NGFR: variants seen among roughly 807,000 people sequenced by gnomAD.
NGFR encodes the protein nerve growth factor receptor, also known as tumor necrosis factor receptor superfamily member 16.
NGFR carries 30 observed loss-of-function variants against 43.2 expected under a neutral mutation model. The ratio of observed to expected loss-of-function variants is 0.69; its 90% CI spans 0.52 to 0.94. The LOEUF (loss-of-function observed/expected upper bound fraction) is 0.94, where lower values mean the gene tolerates loss of function less well. Ranked by LOEUF, NGFR falls within the 40% of genes least tolerant of loss-of-function variation. The pLI, the probability that NGFR is intolerant of heterozygous loss-of-function variation, is 0.00. For missense variants in NGFR, 529 were observed against 602.5 expected (o/e 0.88, Z 1.28); for synonymous variants, 246 against 259.6 (o/e 0.95, Z 0.50).
rs1041870887 is a variant in NGFR, at chr17:49,495,343, C to T, written c.-75C>T. On this transcript the variant is annotated 5_prime_UTR_variant, in exon 1 of 6. Transcript: ENST00000172229. The surrounding 1 kb of genome is among the most constrained non-coding windows in gnomAD (Gnocchi z 6.4). ...CCGGCGGGCAGGGGGGGCGCTGGAG[C>T]GCAGCGCAGCGCAGCCCCATCAGTC... is the stretch of plus-strand genomic sequence containing the variant. The T allele has an allele frequency of 1.5e-5, 16 of 1,080,480 alleles. No individual in the cohort carries two copies. In the African/African-American group the frequency reaches 2.4e-4, roughly 16 times the overall value. The allele number at this position is 1,080,480 out of a possible 1,614,324, so 66.9% of individuals were successfully genotyped here.
Position 49,510,546 on chromosome 17 carries a change from G to A in NGFR, c.703G>A (p.Val235Met), listed in dbSNP as rs1160040461. 1.2e-6 allele frequency: 2 copies of A among 1,614,154 alleles called. No individual in the cohort carries two copies. Among genetic ancestry groups the A allele is most frequent in the Non-Finnish European group, 1.7e-6 (2 of 1,180,032 alleles). Residue 235 changes from valine (V) to methionine (M), a missense_variant, in exon 4 of 6, where the codon GTG becomes ATG. Physicochemically the swap from Val to Met is conservative, Grantham distance 21. Transcript: ENST00000172229. ...ASTVAGVVTTVMGSSQPVVTR... is the reference protein window; with the variant it reads ...ASTVAGVVTTMMGSSQPVVTR... ...CACGGTGGCAGGTGTGGTGACCACA[G>A]TGATGGGCAGCTCCCAGCCCGTGGT... is the stretch of plus-strand genomic sequence containing the variant.
At chr17:49,501,807 G>C (rs2071168212) in intron 1 of NGFR, among the ~76,000 whole-genome samples, 1 of 152,204 alleles carries the variant, frequency 6.6e-6, no homozygotes. Flanking sequence ...TGTAACCCCA[G>C]GATGAACTTT....
At chr17:49,503,525 C>T (rs2143430861) in intron 2 of NGFR, among the ~76,000 whole-genome samples, 1 of 152,292 alleles carries the variant, frequency 6.6e-6, no homozygotes. Flanking sequence ...CCTCTGAACC[C>T]ACCTGCGGAC....
chr17:49,505,962 C>A (rs969490479), intron 2 of NGFR: 10 of 302,440 alleles, frequency 3.3e-5, no homozygotes, highest in Non-Finnish European at 5.4e-5. Flanking sequence ...ATTCCTTAAT[C>A]ATGCTGGGAA....
At chr17:49,501,543 A>T (rs2143426571) in intron 1 of NGFR, among the ~76,000 whole-genome samples, 1 of 152,262 alleles carries the variant, frequency 6.6e-6, no homozygotes, top group African/African-American at 2.4e-5. Flanking sequence ...TAATATGTGG[A>T]ATTAAGGACC....
At position 49,502,203 on chromosome 17, in the gene NGFR, C is replaced by A; in HGVS notation, c.207C>A (p.Asp69Glu). The change falls in exon 2 of 6, where the codon GAC (aspartate) becomes GAA (glutamate). Residue 69 changes from aspartate to glutamate, a missense_variant and splice_region_variant. Asp to Glu is a conservative substitution (Grantham distance 45). Coordinates refer to ENST00000172229, the MANE Select transcript of NGFR (RefSeq NM_002507.4). ...AGACCGTGTGTGAGCCCTGCCTGGA[C>A]AGTGAGTAGAGGGTGGCGGGCAGGA... ...ANQTVCEPCLDSVTFSDVVSA... is the reference protein window; with the variant it reads ...ANQTVCEPCLESVTFSDVVSA... 1 of 1,597,858 alleles carries A rather than the reference C, an allele frequency of 6.3e-7. No individual in the cohort carries two copies. Among genetic ancestry groups the A allele is most frequent in the Non-Finnish European group, 8.5e-7 (1 of 1,170,018 alleles).
At chr17:49,509,061 C>G (rs1392024253) in intron 3 of NGFR, among the ~76,000 whole-genome samples, 1 of 152,190 alleles carries the variant, frequency 6.6e-6, no homozygotes, top group African/African-American at 2.4e-5. Context: ...AGACAGGGCT[C>G]TGTCTCCTTC....
intron 1 of NGFR, among the ~76,000 whole-genome samples, chr17:49,499,961 T>A (rs1312049439): frequency 2.7e-5 from 4 of 147,420 alleles, no homozygotes; most frequent in Middle Eastern, 7.2e-3. Flanking sequence ...ATTAGCGTGG[T>A]GGGGGAAGGG....
rs903812175 is a variant in NGFR, at chr17:49,514,023, A to C, written c.*1014A>C. ...AGAATCAGCCTAGGGGTCAGGGACC[A>C]AGGACCCCTCACCTTGCAACACACA... On this transcript the variant is annotated 3_prime_UTR_variant, in exon 6 of 6. Transcript: ENST00000172229. 6.6e-6 allele frequency: 1 copy of C among 152,222 alleles called. No homozygotes were observed. Among genetic ancestry groups the C allele is most frequent in the African/African-American group, 2.4e-5 (1 of 41,440 alleles). 9.4% of individuals were successfully genotyped at this position (152,222 alleles called of 1,614,324 possible).
At chr17:49,508,927 G>T (rs2071215494) in intron 3 of NGFR, among the ~76,000 whole-genome samples, 1 of 152,146 alleles carries the variant, frequency 6.6e-6, no homozygotes, top group Admixed American at 6.5e-5. Context: ...CTCTGGCTTG[G>T]GGTCAGTCTG....
Position 49,512,356 on chromosome 17 carries a change from A to G in NGFR, c.982+304A>G, listed in dbSNP as rs2071238953. 6.6e-6 allele frequency among the ~76,000 whole-genome samples: 1 copy of G among 152,182 alleles called. No homozygotes were observed. The highest frequency in any genetic ancestry group is 1.5e-5 in the Non-Finnish European group (1 of 68,028). ...AGCCTCTTGCCCTGGACTTCTGGGG[A>G]ACAAGTAGTTAAGTGTGTACCCTAA... is the stretch of plus-strand genomic sequence containing the variant. On this transcript the variant is annotated intron_variant, in intron 5 of 5. Transcript: ENST00000172229. The surrounding 1 kb of genome is among the most constrained non-coding windows in gnomAD (Gnocchi z 5.2).
Position 49,512,681 on chromosome 17 carries a change from C to G in NGFR, c.983-27C>G, listed in dbSNP as rs749613649. On this transcript the variant is annotated intron_variant, in intron 5 of 5. Coordinates refer to ENST00000172229, the MANE Select transcript of NGFR (RefSeq NM_002507.4). The surrounding 1 kb of genome is among the most constrained non-coding windows in gnomAD (Gnocchi z 5.2). ...TGGGGAAAGGAGTTCAGGGGTAGGACCTGACTCTCCTCTGGTTTCTCTGCA... is the reference window on the plus strand; with the variant it reads ...TGGGGAAAGGAGTTCAGGGGTAGGAGCTGACTCTCCTCTGGTTTCTCTGCA... 107 of 1,551,308 alleles carry G rather than the reference C, an allele frequency of 6.9e-5. No individual in the cohort carries two copies. Among genetic ancestry groups the G allele is most frequent in the Admixed American group, 1.9e-4 (10 of 53,684 alleles).
chr17:49,510,270 C>T (rs534958876), intron 3 of NGFR, 142 bp from the exon 4 acceptor site: 71 of 1,250,342 alleles, frequency 5.7e-5, no homozygotes, highest in Admixed American at 3.3e-4. Flanking sequence ...ACATCATGCA[C>T]GCAATCCCAG....
intron 2 of NGFR, among the ~76,000 whole-genome samples, chr17:49,503,925 C>T (rs1054353530): frequency 6.6e-6 from 1 of 152,172 alleles, no homozygotes; most frequent in African/African-American, 2.4e-5. Flanking sequence ...GGGCGGAGGA[C>T]ACCAGGAGAG....
intron 1 of NGFR, 63 bp from the exon 2 acceptor site, chr17:49,502,000 A>AGGGCCCCCCCCCCCCC: frequency 8.7e-5 from 23 of 264,880 alleles, no homozygotes; most frequent in Non-Finnish European, 1.4e-4. Flanking sequence ...CCCCGGAAGA[A>AGGGCCCCCCCCCCCCC]CCCCCCCCAA....
chr17:49,510,472 C>T lies in NGFR; in HGVS notation c.629C>T (p.Pro210Leu), dbSNP rs1173902758. The change falls in exon 4 of 6, where the codon CCC becomes CTC. Residue 210 changes from proline to leucine, a missense_variant. Transcript: ENST00000172229. The part of the protein sequence containing the change: ...TPPEGSDSTA[P>L]STQEPEAPPE... ...CCAGAGGGCTCGGACAGCACAGCCCCCAGCACCCAGGAGCCTGAGGCACCT... is the reference window on the plus strand; with the variant it reads ...CCAGAGGGCTCGGACAGCACAGCCCTCAGCACCCAGGAGCCTGAGGCACCT... 36 of 1,614,092 alleles carry T rather than the reference C, an allele frequency of 2.2e-5. No individual in the cohort carries two copies. The highest frequency in any genetic ancestry group is 2.9e-5 in the Non-Finnish European group (34 of 1,180,006).
rs748005179 is a variant in NGFR, at chr17:49,513,004, G to A, written c.1279G>A (p.Val427Met). The change falls in exon 6 of 6, where the codon GTG becomes ATG. Residue 427 changes from valine to methionine, a missense_variant. By Grantham distance (21) the Val-to-Met change is conservative. Coordinates refer to ENST00000172229, the MANE Select transcript of NGFR (RefSeq NM_002507.4). ...CAGTGAGTCCACTGCCACATCCCCG[G>A]TGTGAGCCCAACCGGGGAGCCCCCG... ...LCSESTATSPV is the reference protein window; with the variant it reads ...LCSESTATSPM The A allele has an allele frequency of 4.5e-6, 7 of 1,557,218 alleles. No homozygotes were observed. In the Admixed American group the frequency reaches 9.0e-5, roughly 20 times the overall value.
chr17:49,503,216 G>T (rs150421634), intron 2 of NGFR, among the ~76,000 whole-genome samples: 1 of 151,682 alleles, frequency 6.6e-6, no homozygotes, highest in African/African-American at 2.4e-5. Flanking sequence ...CACCGTGCTC[G>T]ACCCTGCCTG....
Position 49,512,114 on chromosome 17 carries a change from A to C in NGFR, c.982+62A>C. On this transcript the variant is annotated intron_variant, in intron 5 of 5. Coordinates refer to ENST00000172229, the MANE Select transcript of NGFR (RefSeq NM_002507.4). This position sits in a 1 kb window ranked among gnomAD's most constrained non-coding sequence, Gnocchi z 5.2. ...GAGGCTGAGGAAACAGAAGCAATTAAGATTAGACTCCAGGAAGGACTGTCG... is the reference window on the plus strand; with the variant it reads ...GAGGCTGAGGAAACAGAAGCAATTACGATTAGACTCCAGGAAGGACTGTCG... 6.4e-7 allele frequency: 1 copy of C among 1,567,138 alleles called. No individual in the cohort carries two copies. Among genetic ancestry groups the C allele is most frequent in the Non-Finnish European group, 8.7e-7 (1 of 1,154,684 alleles).
Sources: gnomAD v4.1 joint callset for allele counts (sites outside exome capture counted in the v4.1 genomes callset) on GRCh38, gnomAD v4.1.1 for gene constraint, Gnocchi (gnomAD v3.1) non-coding constraint, MANE v1.5 for transcripts, NCBI Gene and HGNC (gene_info 2026-07-23, HGNC 2026-07-21) for gene names.